FBXO47: variants seen among roughly 807,000 people sequenced by gnomAD.
The protein encoded by FBXO47 is F-box only protein 47.
Under a neutral mutation model 53.9 loss-of-function variants are expected in FBXO47, and 34 were observed. The ratio of observed to expected loss-of-function variants is 0.63; its 90% CI spans 0.48 to 0.84. FBXO47 has a LOEUF of 0.84. FBXO47 is among the 40% of genes least tolerant of loss of function. FBXO47 has a pLI of 0.00. For synonymous variants in FBXO47, 165 were observed against 181.6 expected (o/e 0.91, Z 0.73); for missense variants, 485 against 541.3 (o/e 0.90, Z 1.03).
intron 2 of FBXO47, among the ~76,000 whole-genome samples, chr17:38,962,434 G>A (rs1017080112): frequency 2.0e-5 from 3 of 152,020 alleles, no homozygotes; most frequent in Non-Finnish European, 4.4e-5. Flanking sequence ...TGATCAACAT[G>A]GACAAACTCC....
At chr17:38,951,898 C>T (rs368283285) in intron 5 of FBXO47, among the ~76,000 whole-genome samples, 1 of 152,004 alleles carries the variant, frequency 6.6e-6, no homozygotes, top group Non-Finnish European at 1.5e-5. Context: ...GGTGTGGTGG[C>T]GGGCACCTGT....
intron 6 of FBXO47, among the ~76,000 whole-genome samples, chr17:38,950,462 ATT>A (rs71352328): frequency 1.9e-3 from 242 of 128,468 alleles, no homozygotes; most frequent in African/African-American, 5.7e-3. Flanking sequence ...TGCCCGCCTA[ATT>A]TTTTTTTTTT....
At chr17:38,947,066 A>G (rs1186366913) in intron 6 of FBXO47, among the ~76,000 whole-genome samples, 1 of 134,634 alleles carries the variant, frequency 7.4e-6, no homozygotes, top group Non-Finnish European at 1.5e-5. Context: ...ATATAAATAT[A>G]TATAAACATA....
At chr17:38,956,766 G>A (rs1905576862) in intron 4 of FBXO47, among the ~76,000 whole-genome samples, 1 of 151,970 alleles carries the variant, frequency 6.6e-6, no homozygotes, top group Non-Finnish European at 1.5e-5. Flanking sequence ...ATCATAAAAT[G>A]TTTGTCATTT....
chr17:38,937,966 C>G (rs185806487), intron 10 of FBXO47, among the ~76,000 whole-genome samples: 14 of 152,338 alleles, frequency 9.2e-5, no homozygotes, highest in African/African-American at 3.1e-4. Flanking sequence ...CCTCGCCCAG[C>G]CTTCCCTAGT....
intron 3 of FBXO47, among the ~76,000 whole-genome samples, chr17:38,958,588 T>C (rs772903885): frequency 1.7e-4 from 26 of 152,166 alleles, no homozygotes; most frequent in African/African-American, 3.9e-4. Flanking sequence ...AAAATGGCCA[T>C]ACATTGTTAA....
chr17:38,963,054 G>A lies in FBXO47; in HGVS notation c.-26-3C>T. The A allele has an allele frequency of 6.5e-7, 1 of 1,549,960 alleles. No homozygotes were observed. Among genetic ancestry groups the A allele is most frequent in the East Asian group, 2.3e-5 (1 of 44,324 alleles). Reference sequence around the variant, plus strand: ...TCTTCTTGTCTCACAAATTTATCCTGGTCAGAAAAACAAAGTACAAGAGAC... The same window carrying A: ...TCTTCTTGTCTCACAAATTTATCCTAGTCAGAAAAACAAAGTACAAGAGAC... On this transcript the variant is annotated splice_polypyrimidine_tract_variant and splice_region_variant and intron_variant, in intron 1 of 10. Coordinates refer to ENST00000378079, the MANE Select transcript of FBXO47 (RefSeq NM_001008777.3).
chr17:38,946,843 A>T (rs1349429451), intron 6 of FBXO47, among the ~76,000 whole-genome samples: 1 of 103,012 alleles, frequency 9.7e-6, no homozygotes, highest in African/African-American at 4.2e-5. Context: ...AATATATATA[A>T]ACATATAAAA....
At chr17:38,946,953 A>G in intron 6 of FBXO47, among the ~76,000 whole-genome samples, 1 of 120,898 alleles carries the variant, frequency 8.3e-6, no homozygotes, top group Non-Finnish European at 1.6e-5. Flanking sequence ...AACATATATA[A>G]ATATATAAAC....
At chr17:38,941,009 A>G (rs1290651711) in intron 9 of FBXO47, among the ~76,000 whole-genome samples, 1 of 151,330 alleles carries the variant, frequency 6.6e-6, no homozygotes. Context: ...TTTTGAGATG[A>G]GATCTCATTC....
intron 5 of FBXO47, among the ~76,000 whole-genome samples, chr17:38,952,510 T>C (rs1905346002): frequency 6.6e-6 from 1 of 152,162 alleles, no homozygotes; most frequent in African/African-American, 2.4e-5. Context: ...GGAAGTATCT[T>C]TTCAGAGAAC....
In FBXO47 at chr17:38,945,051, A is replaced by G. The variant is rs1904689094; in HGVS notation, c.702T>C (p.Ala234=). The part of the protein sequence containing the change: ...LDHWTHRSDS[A]FWLTRILKPW... ...GTTTTAATATTCGCGTCAACCAAAA[A>G]GCAGAATCACTTCGATGTGTCCAAT... The change falls in exon 7 of 11, where the codon GCT becomes GCC. Residue 234 remains alanine (A), a synonymous_variant. Transcript: ENST00000378079. The G allele has an allele frequency of 1.2e-6, 2 of 1,613,978 alleles. No individual in the cohort carries two copies. Among genetic ancestry groups the G allele is most frequent in the East Asian group, 2.2e-5 (1 of 44,878 alleles).
chr17:38,949,257 A>G (rs1168920057), intron 6 of FBXO47, among the ~76,000 whole-genome samples: 9 of 151,894 alleles, frequency 5.9e-5, no homozygotes, highest in Non-Finnish European at 4.4e-5. Context: ...TCACTATAAA[A>G]AATACCAGAA....
chr17:38,966,465 G>A (rs904087003), intron 1 of FBXO47, among the ~76,000 whole-genome samples: 7 of 152,198 alleles, frequency 4.6e-5, no homozygotes, highest in Non-Finnish European at 8.8e-5. Context: ...CTCCCAAAGT[G>A]CTGGGATTTA....
intron 2 of FBXO47, among the ~76,000 whole-genome samples, chr17:38,962,387 G>A (rs145419356): frequency 1.1e-4 from 17 of 152,124 alleles, no homozygotes; most frequent in Admixed American, 2.6e-4. Context: ...AGGCCAAGGC[G>A]GACAGATCAC....
intron 6 of FBXO47, among the ~76,000 whole-genome samples, chr17:38,945,432 T>G (rs951972488): frequency 6.6e-6 from 1 of 152,106 alleles, no homozygotes; most frequent in Non-Finnish European, 1.5e-5. Context: ...TAAAAAGAAA[T>G]AAATGCAGAG....
Position 38,950,462 on chromosome 17 carries a change from A to AT in FBXO47, c.616+1118dup, listed in dbSNP as rs71352328. Among the ~76,000 whole-genome samples the AT allele has an allele frequency of 7.6e-3, 976 of 128,512 alleles. 6 individuals carry two copies. Among genetic ancestry groups the AT allele is most frequent in the African/African-American group, 0.016 (577 of 35,160 alleles). The allele number at this position is 128,512 out of a possible 152,430, so 84.3% of individuals were successfully genotyped here. A position where few individuals can be genotyped will look rare whatever the true frequency, so the allele number is the denominator to read the frequency against. ...GCAGTGACTGGATCATGCCCGCCTA[A>AT]TTTTTTTTTTTTTTTTTTTGGAGAT... On this transcript the variant is annotated intron_variant, in intron 6 of 10. Coordinates refer to ENST00000378079, the MANE Select transcript of FBXO47 (RefSeq NM_001008777.3).
intron 6 of FBXO47, 93 bp downstream of exon 6, chr17:38,951,488 C>G: frequency 1.0e-6 from 1 of 966,868 alleles, no homozygotes; most frequent in South Asian, 1.8e-5. Context: ...GCCACTACAC[C>G]TGGCCCAAAT....
chr17:38,946,307 AATATAT>A (rs1375571720), intron 6 of FBXO47, among the ~76,000 whole-genome samples: 1 of 45,024 alleles, frequency 2.2e-5, no homozygotes, highest in Non-Finnish European at 4.3e-5. Context: ...AATATATATA[AATATAT>A]AAATATATAT....
Sources: allele counts gnomAD v4.1 joint callset (sites outside exome capture counted in the v4.1 genomes callset), GRCh38; gene constraint gnomAD v4.1.1; transcripts MANE v1.5; gene names NCBI Gene and HGNC (gene_info 2026-07-23, HGNC 2026-07-21).